Variants in ENOX1 observed in about 807,000 individuals in gnomAD.
ENOX1 encodes the protein candidate growth-related and time keeping constitutive hydroquinone (NADH) oxidase.
Under a neutral mutation model 82.5 loss-of-function variants are expected in ENOX1, and 42 were observed. The ratio of observed to expected loss-of-function variants is 0.51; its 90% CI spans 0.40 to 0.66. ENOX1 has a LOEUF of 0.66. Ranked by LOEUF, ENOX1 falls within the 30% of genes least tolerant of loss-of-function variation. The pLI, the probability that ENOX1 is intolerant of heterozygous loss-of-function variation, is 0.00. For synonymous variants in ENOX1, 271 were observed against 282.2 expected, an observed-to-expected ratio of 0.96 and a Z score of 0.40; for missense variants, 608 against 811.6, an observed-to-expected ratio of 0.75 and a Z score of 3.05.
chr13:43,438,127 A>G (rs562247105), intron 3 of ENOX1, among the ~76,000 whole-genome samples: 7 of 152,328 alleles, frequency 4.6e-5, no homozygotes, highest in Non-Finnish European at 1.5e-5. Flanking sequence ...GATGCTAACA[A>G]TGTAGGCAGG....
At position 43,519,119 on chromosome 13, in the gene ENOX1, G is replaced by A. The variant is rs375060707; in HGVS notation, c.-218-34967C>T. 6.6e-5 allele frequency among the ~76,000 whole-genome samples: 10 copies of A among 152,234 alleles called. No homozygotes were observed. In the South Asian group the frequency reaches 1.2e-3, roughly 19 times the overall value. On this transcript the variant is annotated intron_variant, in intron 2 of 16. Coordinates refer to ENST00000690772, the MANE Select transcript of ENOX1 (RefSeq NM_001347969.2). ...CAACCCTGAGCATTAGTTCCAGGTA[G>A]GCAAATAACCATACAAGTCCATTTA...
At chr13:43,714,129 G>C (rs1290025009) in intron 1 of ENOX1, among the ~76,000 whole-genome samples, 1 of 151,132 alleles carries the variant, frequency 6.6e-6, no homozygotes, top group Admixed American at 6.6e-5. Flanking sequence ...GTTCTCGTTG[G>C]TTTCAAAGAA....
intron 2 of ENOX1, among the ~76,000 whole-genome samples, chr13:43,662,212 T>C (rs2084769779): frequency 1.3e-5 from 2 of 152,226 alleles, no homozygotes; most frequent in South Asian, 4.1e-4. Flanking sequence ...TTTTCATGTT[T>C]ACCCTTTTCA....
At chr13:43,759,845 C>T (rs546305403) in intron 1 of ENOX1, among the ~76,000 whole-genome samples, 43 of 152,214 alleles carry the variant, frequency 2.8e-4, no homozygotes, top group Non-Finnish European at 2.5e-4. Context: ...TATCCACCCA[C>T]CCATCCATTC....
chr13:43,556,498 G>A (rs752956854), intron 2 of ENOX1, among the ~76,000 whole-genome samples: 6 of 151,978 alleles, frequency 3.9e-5, no homozygotes, highest in South Asian at 2.1e-4. Context: ...CTCAAACTTC[G>A]TAGTAAGTTG....
intron 3 of ENOX1, among the ~76,000 whole-genome samples, chr13:43,460,793 C>CAAAAAAAAAAAAAAAAAAAAAAAAAAAAA (rs1312983530): frequency 3.9e-5 from 1 of 25,702 alleles, no homozygotes; most frequent in Non-Finnish European, 6.5e-5. Flanking sequence ...GACTCCATCT[C>CAAAAAAAAAAAAAAAAAAAAAAAAAAAAA]AAAAAAAAAA....
At chr13:43,581,388 T>G (rs1205140567) in intron 2 of ENOX1, among the ~76,000 whole-genome samples, 1 of 151,994 alleles carries the variant, frequency 6.6e-6, no homozygotes, top group Non-Finnish European at 1.5e-5. Context: ...CGCCTCAGCC[T>G]CCCAAAGTGC....
intron 2 of ENOX1, among the ~76,000 whole-genome samples, chr13:43,622,079 G>T (rs1211578865): frequency 6.6e-6 from 1 of 152,026 alleles, no homozygotes; most frequent in African/African-American, 2.4e-5. Context: ...TGTGTCCAAA[G>T]CTTCCTGAAT....
chr13:43,776,171 TTAG>T (rs1951906842), intron 1 of ENOX1, among the ~76,000 whole-genome samples: 1 of 152,152 alleles, frequency 6.6e-6, no homozygotes, highest in Admixed American at 6.6e-5. Flanking sequence ...GACCAATATG[TTAG>T]TATGTTAATG....
chr13:43,629,478 C>T (rs766861527), intron 2 of ENOX1, among the ~76,000 whole-genome samples: 2 of 152,176 alleles, frequency 1.3e-5, no homozygotes, highest in Non-Finnish European at 2.9e-5. Flanking sequence ...CAGTCTACTT[C>T]CTCCTCTCTG....
intron 1 of ENOX1, among the ~76,000 whole-genome samples, chr13:43,734,894 G>A (rs1261664396): frequency 6.6e-6 from 1 of 152,142 alleles, no homozygotes; most frequent in East Asian, 1.9e-4. Context: ...TGTTTTTAGA[G>A]ATCCCATACC....
rs1555290154 is a variant in ENOX1 at position 43,470,378 on chromosome 13, A to ATATATATGTG, written c.-75+13630_-75+13631insCACATATATA. Among the ~76,000 whole-genome samples the ATATATATGTG allele has an allele frequency of 5.6e-5, 2 of 35,724 alleles. 1 individual carries two copies. The highest frequency in any genetic ancestry group is 1.6e-4 in the Non-Finnish European group (2 of 12,174). The allele number at this position is 35,724 out of a possible 152,430, so 23.4% of individuals were successfully genotyped here. A position where few individuals can be genotyped will look rare whatever the true frequency, so the allele number is the denominator to read the frequency against. ...TGTATATATATACGTATATATATAC[A>ATATATATGTG]TATATATACGTATATATATGTGTAT... On this transcript the variant is annotated intron_variant, in intron 3 of 16. Coordinates refer to ENST00000690772, the MANE Select transcript of ENOX1 (RefSeq NM_001347969.2).
intron 15 of ENOX1, among the ~76,000 whole-genome samples, chr13:43,236,099 T>A (rs1373974182): frequency 1.3e-5 from 2 of 152,204 alleles, no homozygotes; most frequent in African/African-American, 4.8e-5. Context: ...CTTTTGTTCA[T>A]CCTGGACAAA....
intron 7 of ENOX1, among the ~76,000 whole-genome samples, chr13:43,358,737 T>C (rs932782735): frequency 6.6e-6 from 1 of 152,174 alleles, no homozygotes; most frequent in Admixed American, 6.5e-5. Context: ...GATGAGAAAA[T>C]GGAGGCAGGC....
chr13:43,390,680 T>C (rs1224502502), intron 5 of ENOX1, among the ~76,000 whole-genome samples: 4 of 152,212 alleles, frequency 2.6e-5, no homozygotes, highest in Non-Finnish European at 4.4e-5. Flanking sequence ...AAAAGTGTAC[T>C]GTCATATCCT....
At chr13:43,282,677 G>A (rs1313056500) in intron 12 of ENOX1, among the ~76,000 whole-genome samples, 1 of 151,890 alleles carries the variant, frequency 6.6e-6, no homozygotes, top group Admixed American at 6.6e-5. Context: ...GCCTGCCTTA[G>A]CTTCCCAAAG....
chr13:43,257,845 G>C (rs2043837834), intron 14 of ENOX1, among the ~76,000 whole-genome samples: 1 of 152,134 alleles, frequency 6.6e-6, no homozygotes, highest in Admixed American at 6.5e-5. Context: ...TTCAGATCTT[G>C]GTTTTATCTA....
intron 3 of ENOX1, among the ~76,000 whole-genome samples, chr13:43,425,000 C>G (rs2055204740): frequency 6.6e-6 from 1 of 152,042 alleles, no homozygotes; most frequent in Admixed American, 6.6e-5. Context: ...TTATATCCAG[C>G]AAGATTTAAA....
At chr13:43,291,611 A>G (rs921681382) in intron 12 of ENOX1, among the ~76,000 whole-genome samples, 11 of 151,946 alleles carry the variant, frequency 7.2e-5, no homozygotes, top group Admixed American at 7.2e-4. Context: ...AGCCAGAACA[A>G]TTTGCAATAC....
Sources: allele counts gnomAD v4.1 joint callset (sites outside exome capture counted in the v4.1 genomes callset), GRCh38; gene constraint gnomAD v4.1.1; transcripts MANE v1.5; gene names NCBI Gene and HGNC (gene_info 2026-07-23, HGNC 2026-07-21).